Variants in LYPLAL1 observed in about 807,000 individuals in gnomAD.
The protein encoded by LYPLAL1 is lysophospholipase-like protein 1.
A neutral mutation model predicts 19.7 loss-of-function variants in LYPLAL1; 23 were observed. The observed-to-expected ratio is 1.17, with a 90% CI of 0.84 to 1.65. LYPLAL1 has a LOEUF of 1.65. Ranked by LOEUF, LYPLAL1 falls within the 40% of genes most tolerant of loss-of-function variation. The probability of loss-of-function intolerance (pLI) is 0.00; values close to 1 mark genes in which losing one functional copy is unlikely to be tolerated. For missense variants in LYPLAL1, 355 were observed against 279.4 expected, an observed-to-expected ratio of 1.27 and a Z score of -1.93; for synonymous variants, 119 against 96.3, an observed-to-expected ratio of 1.24 and a Z score of -1.38.
downstream of LYPLAL1, among the ~76,000 whole-genome samples, chr1:219,214,279 T>C (rs2049425): frequency 0.97 from 147,470 of 152,184 alleles, 71,633 homozygotes; most frequent in East Asian, 1. Flanking sequence ...TTCACTAATA[T>C]TTTGTTAAGG....
chr1:219,328,720 G>A, the LYPLAL1 span, among the ~76,000 whole-genome samples: 1 of 152,026 alleles, frequency 6.6e-6, no homozygotes. Flanking sequence ...ATATCAATAA[G>A]CCAGAAACCT....
the LYPLAL1 span, among the ~76,000 whole-genome samples, chr1:219,237,313 C>T: frequency 1.3e-5 from 2 of 152,158 alleles, no homozygotes; most frequent in African/African-American, 4.8e-5. Flanking sequence ...AAATGTATCC[C>T]TTTCTTTTTC....
chr1:219,374,158 G>A, the LYPLAL1 span, among the ~76,000 whole-genome samples: 1 of 150,578 alleles, frequency 6.6e-6, no homozygotes, highest in Non-Finnish European at 1.5e-5. Flanking sequence ...TTTTGGTGGG[G>A]GCGGTATGGA....
intron 3 of LYPLAL1, among the ~76,000 whole-genome samples, chr1:219,204,794 C>T (rs965838310): frequency 1.3e-5 from 2 of 151,978 alleles, no homozygotes; most frequent in African/African-American, 4.8e-5. Context: ...CCCCATAATA[C>T]CTTCCTTTAT....
chr1:219,310,849 A>G, the LYPLAL1 span, among the ~76,000 whole-genome samples: 7 of 152,206 alleles, frequency 4.6e-5, no homozygotes, highest in Admixed American at 3.3e-4. Context: ...CATGTTCTCT[A>G]TCTTCTCTTG....
the LYPLAL1 span, among the ~76,000 whole-genome samples, chr1:219,291,197 A>G: frequency 6.6e-6 from 1 of 152,248 alleles, no homozygotes; most frequent in African/African-American, 2.4e-5. Flanking sequence ...TCAAACAACA[A>G]AGGAAAATAC....
chr1:219,187,506 G>C (rs558207027), intron 2 of LYPLAL1, among the ~76,000 whole-genome samples: 8 of 151,328 alleles, frequency 5.3e-5, no homozygotes, highest in Non-Finnish European at 1.0e-4. Context: ...GATTTTCTTA[G>C]TTTGTGTTTA....
At chr1:219,394,685 A>G in the LYPLAL1 span, among the ~76,000 whole-genome samples, 1 of 152,174 alleles carries the variant, frequency 6.6e-6, no homozygotes, top group Non-Finnish European at 1.5e-5. Context: ...TTATATAGGT[A>G]ATGTATGTCA....
chr1:219,408,074 A>G, the LYPLAL1 span, among the ~76,000 whole-genome samples: 1 of 152,188 alleles, frequency 6.6e-6, no homozygotes, highest in South Asian at 2.1e-4. Flanking sequence ...CATTCACTCT[A>G]TAACAACATG....
At chr1:219,371,513 T>C in the LYPLAL1 span, among the ~76,000 whole-genome samples, 3 of 152,220 alleles carry the variant, frequency 2.0e-5, no homozygotes, top group African/African-American at 4.8e-5. Context: ...GCATAATAAT[T>C]GTTAAGCTAA....
chr1:219,297,168 T>C, the LYPLAL1 span, among the ~76,000 whole-genome samples: 1 of 152,212 alleles, frequency 6.6e-6, no homozygotes, highest in African/African-American at 2.4e-5. Context: ...TGGAAGCAAA[T>C]CTGTCTTCTG....
chr1:219,378,697 T>G, the LYPLAL1 span, among the ~76,000 whole-genome samples: 1 of 152,088 alleles, frequency 6.6e-6, no homozygotes, highest in Non-Finnish European at 1.5e-5. Context: ...TGGAAATCAC[T>G]GAGGGCATAA....
chr1:219,355,089 C>G, the LYPLAL1 span, among the ~76,000 whole-genome samples: 1 of 152,134 alleles, frequency 6.6e-6, no homozygotes, highest in Non-Finnish European at 1.5e-5. Context: ...AGCCATAGAG[C>G]AGAGCTATCT....
At chr1:219,420,749 A>C in the LYPLAL1 span, among the ~76,000 whole-genome samples, 6 of 152,232 alleles carry the variant, frequency 3.9e-5, no homozygotes, top group Non-Finnish European at 8.8e-5. Flanking sequence ...AAACAAAGGC[A>C]TAATAATTAG....
intron 1 of LYPLAL1, chr1:219,174,400 C>A: frequency 5.2e-6 from 3 of 580,090 alleles, no homozygotes; most frequent in South Asian, 9.4e-5. Flanking sequence ...TTCCAGGCTC[C>A]CATACTAATG....
the LYPLAL1 span, among the ~76,000 whole-genome samples, chr1:219,302,215 G>A: frequency 6.6e-6 from 1 of 152,112 alleles, no homozygotes. Flanking sequence ...GCTCAGAGGT[G>A]CTTCAATAAC....
the LYPLAL1 span, among the ~76,000 whole-genome samples, chr1:219,310,380 T>G: frequency 6.6e-6 from 1 of 152,228 alleles, no homozygotes; most frequent in Non-Finnish European, 1.5e-5. Context: ...CCTGGGAACC[T>G]TAACTCACAA....
At chr1:219,426,752 C>A in the LYPLAL1 span, among the ~76,000 whole-genome samples, 1 of 152,126 alleles carries the variant, frequency 6.6e-6, no homozygotes, top group South Asian at 2.1e-4. Context: ...GTGCGAGCCA[C>A]CACACCCAGC....
the LYPLAL1 span, among the ~76,000 whole-genome samples, chr1:219,254,553 A>C: frequency 2.0e-5 from 3 of 151,972 alleles, no homozygotes; most frequent in Non-Finnish European, 4.4e-5. Flanking sequence ...GTTTAACTGG[A>C]TATGACATTC....
Sources: allele counts gnomAD v4.1 joint callset (sites outside exome capture counted in the v4.1 genomes callset), GRCh38; gene constraint gnomAD v4.1.1; transcripts MANE v1.5; gene names NCBI Gene and HGNC (gene_info 2026-07-23, HGNC 2026-07-21).